UMAD1: variants seen among roughly 807,000 people sequenced by gnomAD.
The protein encoded by UMAD1 is UBAP1-MVB12-associated (UMA)-domain containing protein 1.
Under a neutral mutation model 6.1 loss-of-function variants are expected in UMAD1, and 8 were observed. The ratio of observed to expected loss-of-function variants is 1.30; its 90% confidence interval spans 0.76 to 2.35. The LOEUF is 2.35. Among genes scored for constraint, UMAD1 ranks in the 30% most tolerant of loss-of-function variants. UMAD1 has a pLI of 0.00. For missense variants in UMAD1, 130 were observed against 78.4 expected (o/e 1.66, Z -2.49); for synonymous variants, 56 against 31.4 (o/e 1.78, Z -2.61).
intron 3 of UMAD1, among the ~76,000 whole-genome samples, chr7:7,833,590 C>A (rs905722472): frequency 6.6e-6 from 1 of 152,020 alleles, no homozygotes; most frequent in African/African-American, 2.4e-5. Context: ...TGTCAGGAAG[C>A]GGGCAGATTT....
At chr7:7,660,222 A>G (rs1471879951) in intron 1 of UMAD1, among the ~76,000 whole-genome samples, 1 of 152,246 alleles carries the variant, frequency 6.6e-6, no homozygotes, top group East Asian at 1.9e-4. Context: ...TCTCCTGAAT[A>G]CAACATACTG....
chr7:7,710,092 T>C (rs1780715670), intron 2 of UMAD1, among the ~76,000 whole-genome samples: 1 of 152,196 alleles, frequency 6.6e-6, no homozygotes, highest in East Asian at 1.9e-4. Context: ...GTATCATGTA[T>C]CTGGTCTCAT....
intron 2 of UMAD1, chr7:7,735,629 C>G (rs1163580215): frequency 1.3e-5 from 2 of 152,252 alleles, no homozygotes; most frequent in Admixed American, 1.3e-4. Context: ...AGGCTGGTCT[C>G]GAACTCCTGA....
intron 2 of UMAD1, chr7:7,742,493 C>G: frequency 1.9e-6 from 1 of 521,102 alleles, no homozygotes; most frequent in South Asian, 1.4e-5. Flanking sequence ...GCCTTCTTGG[C>G]CTTCGAAGCC....
At chr7:7,835,170 A>G (rs1174923795) in intron 3 of UMAD1, among the ~76,000 whole-genome samples, 1 of 152,178 alleles carries the variant, frequency 6.6e-6, no homozygotes, top group African/African-American at 2.4e-5. Context: ...TATGAGAAGT[A>G]TATTAGTCAC....
intron 3 of UMAD1, among the ~76,000 whole-genome samples, chr7:7,810,872 T>G (rs2115283750): frequency 6.6e-6 from 1 of 152,316 alleles, no homozygotes; most frequent in South Asian, 2.1e-4. Flanking sequence ...GTTTAAGGTC[T>G]CTTAATTAGT....
intron 1 of UMAD1, among the ~76,000 whole-genome samples, chr7:7,665,881 T>C (rs1430681611): frequency 6.6e-6 from 1 of 152,116 alleles, no homozygotes; most frequent in East Asian, 1.9e-4. Flanking sequence ...TTTGTTTCCC[T>C]TTTACTACCG....
At chr7:7,815,919 G>A (rs1165444096) in intron 3 of UMAD1, among the ~76,000 whole-genome samples, 1 of 152,178 alleles carries the variant, frequency 6.6e-6, no homozygotes, top group East Asian at 1.9e-4. Context: ...ATAGATATCA[G>A]TGGAGGTGGG....
chr7:7,860,006 A>G (rs1784085003), intron 3 of UMAD1, among the ~76,000 whole-genome samples: 1 of 152,100 alleles, frequency 6.6e-6, no homozygotes, highest in Admixed American at 6.5e-5. Context: ...GTGGCTTCTC[A>G]TTTTTAATCA....
At chr7:7,761,096 G>C (rs1048632348) in intron 2 of UMAD1, among the ~76,000 whole-genome samples, 1 of 152,118 alleles carries the variant, frequency 6.6e-6, no homozygotes, top group Non-Finnish European at 1.5e-5. Flanking sequence ...TGGGCACGGT[G>C]GCTGACGCCT....
chr7:7,662,964 C>T (rs1011289031), intron 1 of UMAD1, among the ~76,000 whole-genome samples: 13 of 151,924 alleles, frequency 8.6e-5, no homozygotes, highest in Admixed American at 7.2e-4. Context: ...TTAAAAAGTA[C>T]ATAATTTTCT....
chr7:7,680,255 C>A (rs1222007671), intron 2 of UMAD1, among the ~76,000 whole-genome samples: 1 of 152,084 alleles, frequency 6.6e-6, no homozygotes, highest in African/African-American at 2.4e-5. Flanking sequence ...TATTCTTCTG[C>A]ATATAGATAT....
intron 2 of UMAD1, chr7:7,689,329 G>T (rs1780117809): frequency 6.6e-6 from 1 of 152,166 alleles, no homozygotes; most frequent in Admixed American, 6.6e-5. Flanking sequence ...TGCCAACTTT[G>T]CTTAGGAGAG....
intron 2 of UMAD1, among the ~76,000 whole-genome samples, chr7:7,756,805 CAT>C (rs1306617926): frequency 6.6e-6 from 1 of 152,206 alleles, no homozygotes; most frequent in East Asian, 1.9e-4. Flanking sequence ...TTTTACCAAT[CAT>C]ATGTAGAGTT....
intron 2 of UMAD1, among the ~76,000 whole-genome samples, chr7:7,799,438 G>A (rs1417798059): frequency 1.3e-5 from 2 of 152,208 alleles, no homozygotes. Flanking sequence ...CAAGCAGCAG[G>A]GAGAAAGTTT....
intron 2 of UMAD1, chr7:7,742,167 C>T (rs1318601454): frequency 6.0e-6 from 4 of 662,394 alleles, no homozygotes; most frequent in South Asian, 1.4e-5. Context: ...TCCATCAGGC[C>T]GAATCAGGTG....
At chr7:7,763,990 G>C (rs73051907) in intron 2 of UMAD1, among the ~76,000 whole-genome samples, 8,704 of 152,220 alleles carry the variant, frequency 0.057, 350 homozygotes, top group Non-Finnish European at 0.086. Flanking sequence ...TACCAAAAAG[G>C]TTTAGAAATA....
intron 2 of UMAD1, chr7:7,735,948 A>C (rs1781351663): frequency 6.6e-6 from 1 of 152,288 alleles, no homozygotes. Flanking sequence ...CCATGATTAG[A>C]GAATTGCTTT....
rs992428554 is a variant in UMAD1, at chr7:7,730,898, G to C, written c.82+57445G>C. 2.0e-5 allele frequency among the ~76,000 whole-genome samples: 3 copies of C among 152,298 alleles called. No individual in the cohort carries two copies. In the East Asian group the frequency reaches 5.8e-4, roughly 29 times the overall value. ...GAGTGGAAGCAGTGGCGGGAATGGT[G>C]GTGGGGCTTTGTATATTACACTAAA... On this transcript the variant is annotated intron_variant, in intron 2 of 3. Transcript: ENST00000682710.
Sources: allele counts gnomAD v4.1 joint callset (sites outside exome capture counted in the v4.1 genomes callset), GRCh38; gene constraint gnomAD v4.1.1; transcripts MANE v1.5; gene names NCBI Gene and HGNC (gene_info 2026-07-23, HGNC 2026-07-21).